The following DPYSL4 variants were observed in gnomAD, a reference collection of about 807,000 sequenced individuals.
DPYSL4 encodes dihydropyrimidinase-related protein 4.
Under a neutral mutation model 63.4 loss-of-function variants are expected in DPYSL4, and 43 were observed. That is an observed-to-expected ratio of 0.68 (90% CI 0.53 to 0.88). The LOEUF is 0.88. Among genes scored for constraint, DPYSL4 ranks in the 40% least tolerant of loss-of-function variants. The probability of loss-of-function intolerance (pLI) is 0.00; values close to 1 mark genes in which losing one functional copy is unlikely to be tolerated. For missense variants in DPYSL4, 733 were observed against 819.5 expected (o/e 0.89, Z 1.29); for synonymous variants, 353 against 331.7 (o/e 1.06, Z -0.70).
Position 132,194,924 on chromosome 10 carries a change from C to T in DPYSL4, c.393C>T (p.Ala131=). 6.2e-7 allele frequency: 1 copy of T among 1,612,476 alleles called. No homozygotes were observed. The highest frequency in any genetic ancestry group is 8.5e-7 in the Non-Finnish European group (1 of 1,179,956). ...GGCGGGAGCGGGCGGACAGCGCGGCCTGCTGCGACTACTCCCTGCACGTGG... is the reference window on the plus strand; with the variant it reads ...GGCGGGAGCGGGCGGACAGCGCGGCTTGCTGCGACTACTCCCTGCACGTGG... ...EQWRERADSA[A]CCDYSLHVDI... is the part of the protein sequence containing the mutation. Residue 131 remains alanine, a synonymous_variant, in exon 4 of 14, where the codon GCC becomes GCT. Coordinates refer to ENST00000338492, the MANE Select transcript of DPYSL4 (RefSeq NM_006426.3).
chr10:132,200,112 G>C (rs575070566), intron 8 of DPYSL4, among the ~76,000 whole-genome samples: 1 of 152,318 alleles, frequency 6.6e-6, no homozygotes, highest in South Asian at 2.1e-4. Flanking sequence ...TGTGGGCAGA[G>C]AGAGGACTTG....
intron 10 of DPYSL4, among the ~76,000 whole-genome samples, 180 bp downstream of exon 10, chr10:132,201,163 C>G (rs1163160721): frequency 1.3e-5 from 2 of 152,154 alleles, no homozygotes; most frequent in Non-Finnish European, 2.9e-5. Context: ...TCTGGCCCCT[C>G]CAGATGAGAC....
At chr10:132,200,694 C>A in intron 9 of DPYSL4, 148 bp from the exon 10 acceptor site, 5 of 1,347,320 alleles carry the variant, frequency 3.7e-6, no homozygotes, top group Non-Finnish European at 4.0e-6. Flanking sequence ...AGTCCCCGCT[C>A]CCCTGCACAG....
chr10:132,204,900 C>T lies in DPYSL4; in HGVS notation c.1689C>T (p.Gly563=), dbSNP rs372454247. Reference sequence around the variant, plus strand: ...CACAGAAGATCATGGCACCACCTGGCGGCCGCTCCAACATCACCTCTCTCT... The same window carrying T: ...CACAGAAGATCATGGCACCACCTGGTGGCCGCTCCAACATCACCTCTCTCT... The part of the protein sequence containing the change: ...RTAQKIMAPP[G]GRSNITSLS Residue 563 remains glycine (G), a synonymous_variant, in exon 14 of 14, where the codon GGC becomes GGT. Coordinates refer to ENST00000338492, the MANE Select transcript of DPYSL4 (RefSeq NM_006426.3). The T allele has an allele frequency of 1.4e-5, 23 of 1,612,130 alleles. No homozygotes were observed. The highest frequency in any genetic ancestry group is 1.6e-4 in the Middle Eastern group (1 of 6,074).
chr10:132,195,656 G>T (rs113948519), intron 4 of DPYSL4, among the ~76,000 whole-genome samples: 1 of 152,188 alleles, frequency 6.6e-6, no homozygotes, highest in Non-Finnish European at 1.5e-5. Context: ...TTTCTTCAAG[G>T]CCATTCCTCT....
At chr10:132,202,251 C>T (rs558568913) in intron 11 of DPYSL4, 135 bp downstream of exon 11, 3 of 1,150,158 alleles carry the variant, frequency 2.6e-6, no homozygotes, top group Non-Finnish European at 3.6e-6. Flanking sequence ...GCCGTCCACA[C>T]AGCCTGTCCC....
In DPYSL4 at chr10:132,186,994, T is replaced by TCCCA; in HGVS notation, c.-67_-66insACCC. The stretch of plus-strand genomic sequence containing the variant: ...CCACGCACGCGTCCCGGCTCACGCG[T>TCCCA]CCCCCCGCCCGCCCGCCCGCCCGCC... On this transcript the variant is annotated 5_prime_UTR_variant, in exon 1 of 14. Coordinates refer to ENST00000338492, the MANE Select transcript of DPYSL4 (RefSeq NM_006426.3). The TCCCA allele has an allele frequency of 4.6e-6, 1 of 217,372 alleles. No individual in the cohort carries two copies. Among genetic ancestry groups the TCCCA allele is most frequent in the Non-Finnish European group, 9.1e-6 (1 of 109,622 alleles). The allele number at this position is 217,372 out of a possible 1,614,324, so 13.5% of individuals were successfully genotyped here.
chr10:132,196,054 G>A (rs1482364854), intron 4 of DPYSL4, among the ~76,000 whole-genome samples: 2 of 151,946 alleles, frequency 1.3e-5, no homozygotes, highest in Non-Finnish European at 2.9e-5. Flanking sequence ...CATACAGGTT[G>A]CTACCTGGAG....
intron 10 of DPYSL4, among the ~76,000 whole-genome samples, 165 bp downstream of exon 10, chr10:132,201,148 G>A (rs540021870): frequency 4.6e-5 from 7 of 152,252 alleles, no homozygotes; most frequent in South Asian, 2.1e-4. Flanking sequence ...CCTCAGACAC[G>A]TGGTTCTGGC....
intron 4 of DPYSL4, among the ~76,000 whole-genome samples, chr10:132,196,125 A>G (rs1335001082): frequency 6.6e-6 from 1 of 152,192 alleles, no homozygotes; most frequent in Non-Finnish European, 1.5e-5. Context: ...TTGTCACACT[A>G]GCACTTTCCA....
Position 132,187,103 on chromosome 10 carries a change from G to A in DPYSL4, c.39+1G>A. 1 of 1,486,076 alleles carries A rather than the reference G, an allele frequency of 6.7e-7. No homozygotes were observed. Among genetic ancestry groups the A allele is most frequent in the Non-Finnish European group, 9.1e-7 (1 of 1,103,894 alleles). 92.1% of individuals were successfully genotyped at this position (1,486,076 alleles called of 1,614,324 possible). A position where few individuals can be genotyped will look rare whatever the true frequency, so the allele number is the denominator to read the frequency against. ...CAAGAAAAGCATCCCCCGGATCACG[G>A]TGAGCCCGGTCCCGCTTCGCCCGGC... On this transcript the variant is annotated splice_donor_variant, in intron 1 of 13. Transcript: ENST00000338492. LOFTEE classifies it high-confidence loss of function.
chr10:132,192,720 T>C lies in DPYSL4; in HGVS notation c.191T>C (p.Met64Thr). 1 of 1,613,432 alleles carries C rather than the reference T, an allele frequency of 6.2e-7. No individual in the cohort carries two copies. The highest frequency in any genetic ancestry group is 8.5e-7 in the Non-Finnish European group (1 of 1,179,962). ...AAGACCATTGACGCCCACGGCCTGA[T>C]GGTCCTTCCTGGTGGCGTTGACGTC... ...GIKTIDAHGL[M>T]VLPGGVDVHT... Residue 64 changes from methionine (M) to threonine (T), a missense_variant, in exon 3 of 14, where the codon ATG becomes ACG. Coordinates refer to ENST00000338492, the MANE Select transcript of DPYSL4 (RefSeq NM_006426.3).
chr10:132,194,509 G>A (rs1388217839), intron 3 of DPYSL4, among the ~76,000 whole-genome samples: 1 of 152,242 alleles, frequency 6.6e-6, no homozygotes, highest in African/African-American at 2.4e-5. Flanking sequence ...CAGCCTGACA[G>A]GAGCTGGAGG....
In DPYSL4 at chr10:132,194,921, G is replaced by T. The variant is rs758634550; in HGVS notation, c.390G>T (p.Ala130=). The part of the protein sequence containing the change: ...YEQWRERADS[A]ACCDYSLHVD... ...AGTGGCGGGAGCGGGCGGACAGCGC[G>T]GCCTGCTGCGACTACTCCCTGCACG... Residue 130 remains alanine, a synonymous_variant, in exon 4 of 14, where the codon GCG becomes GCT. Coordinates refer to ENST00000338492, the MANE Select transcript of DPYSL4 (RefSeq NM_006426.3). The T allele has an allele frequency of 6.2e-7, 1 of 1,612,426 alleles. No individual in the cohort carries two copies.
In DPYSL4 at chr10:132,199,481, G is replaced by A. The variant is rs910370812; in HGVS notation, c.811+510G>A. Among the ~76,000 whole-genome samples, 4 of 152,182 alleles carry A rather than the reference G, an allele frequency of 2.6e-5. No homozygotes were observed. In the South Asian group the frequency reaches 6.2e-4, roughly 24 times the overall value. On this transcript the variant is annotated intron_variant, in intron 8 of 13. Transcript: ENST00000338492. ...TCCCCCAGAGGCTACTGGGCTCAGA[G>A]GGTCCATGGAGCCCCAGCAATCACT...
In DPYSL4 at chr10:132,192,758, C is replaced by T; in HGVS notation, c.229C>T (p.Gln77Ter). ...TGGCGTTGACGTCCACACAAGGCTG[C>T]AGATGCCTGTCCTGGGCATGACACC... Reference protein sequence around the residue: ...PGGVDVHTRLQMPVLGMTPAD... With the variant: ...PGGVDVHTRL The change falls in exon 3 of 14, where the codon CAG (glutamine) becomes TAG (stop). Residue 77 changes from glutamine to a stop codon, truncating the protein, a stop_gained. Transcript: ENST00000338492. LOFTEE classifies it high-confidence loss of function. The T allele has an allele frequency of 6.2e-7, 1 of 1,613,346 alleles. No individual in the cohort carries two copies. Among genetic ancestry groups the T allele is most frequent in the Non-Finnish European group, 8.5e-7 (1 of 1,179,952 alleles).
rs375554103 is a variant in DPYSL4 at position 132,200,460 on chromosome 10, CCT to C, written c.917_918del (p.Pro306ArgfsTer53). 1.2e-4 allele frequency: 195 copies of C among 1,613,516 alleles called. No individual in the cohort carries two copies. The highest frequency in any genetic ancestry group is 2.1e-4 in the African/African-American group (16 of 75,048). ...AKAAAFVTSP[P>X]VNPDPTTADH... ...GGCCGCAGCCTTCGTCACATCACCC[CCT>C]GTCAACCCAGACCCCACCACGGCGG... On this transcript the variant is annotated frameshift_variant, in exon 9 of 14. Transcript: ENST00000338492. LOFTEE classifies it high-confidence loss of function.
chr10:132,204,295 G>A (rs1437792214), intron 13 of DPYSL4, among the ~76,000 whole-genome samples: 1 of 152,210 alleles, frequency 6.6e-6, no homozygotes, highest in Non-Finnish European at 1.5e-5. Flanking sequence ...GCAGGCCCCA[G>A]AACCAAGCGT....
In DPYSL4 at chr10:132,197,006, C is replaced by A; in HGVS notation, c.541-15C>A. 6.2e-7 allele frequency: 1 copy of A among 1,611,372 alleles called. No homozygotes were observed. On this transcript the variant is annotated splice_polypyrimidine_tract_variant and intron_variant, in intron 5 of 13. Coordinates refer to ENST00000338492, the MANE Select transcript of DPYSL4 (RefSeq NM_006426.3). ...GGCGCAGCCCCACCCAGGACGCCAC[C>A]ACTTCTCTTCCCAGATGTACGAGAT...
Sources: gnomAD v4.1 joint callset for allele counts (sites outside exome capture counted in the v4.1 genomes callset) on GRCh38, gnomAD v4.1.1 for gene constraint, MANE v1.5 for transcripts, NCBI Gene and HGNC (gene_info 2026-07-23, HGNC 2026-07-21) for gene names.